Variants in ATRNL1 observed in about 807,000 individuals in gnomAD.
The protein encoded by ATRNL1 is attractin like 1.
Under a neutral mutation model 182.7 loss-of-function variants are expected in ATRNL1, and 95 were observed. The ratio of observed to expected loss-of-function variants is 0.52; its 90% CI spans 0.44 to 0.62. The LOEUF is 0.62. Ranked by LOEUF, ATRNL1 falls within the 20% of genes least tolerant of loss-of-function variation. The probability of loss-of-function intolerance (pLI) is 0.00; values close to 1 mark genes in which losing one functional copy is unlikely to be tolerated. For missense variants in ATRNL1, 1,471 were observed against 1,679.5 expected (o/e 0.88, Z 2.17); for synonymous variants, 576 against 568.3 (o/e 1.01, Z -0.19).
chr10:115,831,544 G>A (rs1555093716), intron 27 of ATRNL1, among the ~76,000 whole-genome samples: 1 of 152,054 alleles, frequency 6.6e-6, no homozygotes, highest in African/African-American at 2.4e-5. Context: ...AGGGTGGAGC[G>A]GAGCGTGGAA....
intron 26 of ATRNL1, among the ~76,000 whole-genome samples, chr10:115,572,165 A>G (rs1227200904): frequency 6.6e-6 from 1 of 152,170 alleles, no homozygotes; most frequent in Non-Finnish European, 1.5e-5. Context: ...AATTCATTTA[A>G]TTGTACATTA....
intron 5 of ATRNL1, among the ~76,000 whole-genome samples, chr10:115,150,142 A>T (rs1241290373): frequency 1.3e-5 from 2 of 152,074 alleles, no homozygotes; most frequent in Non-Finnish European, 1.5e-5. Flanking sequence ...ATAGTTATTT[A>T]TAATAATCTT....
intron 28 of ATRNL1, among the ~76,000 whole-genome samples, chr10:115,941,987 T>TAAG (rs1232792733): frequency 6.6e-6 from 1 of 152,214 alleles, no homozygotes; most frequent in Non-Finnish European, 1.5e-5. Flanking sequence ...AGGATGATAT[T>TAAG]TAATATCCTG....
intron 26 of ATRNL1, among the ~76,000 whole-genome samples, chr10:115,702,073 T>C (rs10885776): frequency 0.37 from 56,921 of 151,826 alleles, 11,560 homozygotes; most frequent in East Asian, 0.6. Flanking sequence ...TAATTCACCA[T>C]GATTGAGTAG....
chr10:115,772,597 CTGTGTGTGTG>C (rs57939999), intron 27 of ATRNL1, among the ~76,000 whole-genome samples: 8 of 140,394 alleles, frequency 5.7e-5, no homozygotes, highest in African/African-American at 1.6e-4. Context: ...TATACTCTGT[CTGTGTGTGTG>C]TGTGTGTGTG....
chr10:115,506,445 C>CA (rs1850115459), intron 24 of ATRNL1, among the ~76,000 whole-genome samples: 2 of 151,984 alleles, frequency 1.3e-5, no homozygotes, highest in South Asian at 2.1e-4. Flanking sequence ...TTAGCCAAGA[C>CA]AAAACCCCAA....
At chr10:115,280,236 G>T (rs1210465796) in intron 13 of ATRNL1, among the ~76,000 whole-genome samples, 1 of 152,172 alleles carries the variant, frequency 6.6e-6, no homozygotes, top group Admixed American at 6.5e-5. Flanking sequence ...GAACATCAGA[G>T]AAATTTGTTA....
chr10:115,354,882 T>A (rs941697078), intron 19 of ATRNL1, among the ~76,000 whole-genome samples: 1 of 152,132 alleles, frequency 6.6e-6, no homozygotes, highest in African/African-American at 2.4e-5. Flanking sequence ...TCTTTTTTAT[T>A]CTTTTAAATC....
At chr10:115,375,570 G>A (rs1857625943) in intron 19 of ATRNL1, among the ~76,000 whole-genome samples, 1 of 151,802 alleles carries the variant, frequency 6.6e-6, no homozygotes, top group Admixed American at 6.6e-5. Context: ...TTTACTTTGT[G>A]TTTTGTTGTA....
intron 26 of ATRNL1, among the ~76,000 whole-genome samples, chr10:115,575,385 C>T (rs1231842677): frequency 6.6e-6 from 1 of 152,116 alleles, no homozygotes; most frequent in Non-Finnish European, 1.5e-5. Flanking sequence ...GAACTCTGCC[C>T]TAACTAGGAT....
intron 21 of ATRNL1, among the ~76,000 whole-genome samples, chr10:115,449,273 A>C (rs1847166892): frequency 1.3e-5 from 2 of 152,144 alleles, no homozygotes; most frequent in African/African-American, 4.8e-5. Context: ...CATTGGAGAG[A>C]AGCAGCTTGA....
intron 27 of ATRNL1, among the ~76,000 whole-genome samples, chr10:115,810,920 T>C (rs1422015505): frequency 1.3e-5 from 2 of 151,972 alleles, no homozygotes; most frequent in African/African-American, 4.8e-5. Flanking sequence ...TCATATTTAT[T>C]GATATTGTCT....
chr10:115,240,764 A>C (rs1850385961), intron 9 of ATRNL1, among the ~76,000 whole-genome samples: 1 of 152,040 alleles, frequency 6.6e-6, no homozygotes, highest in African/African-American at 2.4e-5. Context: ...ATTCATTCAG[A>C]TCAGTTATAA....
chr10:115,713,449 G>GTGTGTGTGTT (rs1947126881), intron 26 of ATRNL1, among the ~76,000 whole-genome samples: 3 of 137,596 alleles, frequency 2.2e-5, no homozygotes, highest in Non-Finnish European at 4.7e-5. Context: ...GTGGCTGTGT[G>GTGTGTGTGTT]TGTGTGTGTG....
chr10:115,247,834 T>C (rs372019545), intron 10 of ATRNL1, among the ~76,000 whole-genome samples: 4 of 152,164 alleles, frequency 2.6e-5, no homozygotes, highest in African/African-American at 9.7e-5. Flanking sequence ...GAAATACTAT[T>C]CAGCCATAAA....
chr10:115,407,807 A>G (rs1554958626), intron 20 of ATRNL1, among the ~76,000 whole-genome samples: 2 of 152,226 alleles, frequency 1.3e-5, no homozygotes, highest in East Asian at 3.9e-4. Flanking sequence ...AGAAATTTCC[A>G]TACTGTTTTC....
At chr10:115,621,316 G>C (rs1857757648) in intron 26 of ATRNL1, among the ~76,000 whole-genome samples, 1 of 42,534 alleles carries the variant, frequency 2.4e-5, no homozygotes, top group Non-Finnish European at 5.9e-5. Flanking sequence ...GAGAGAGAGT[G>C]TGTGAGTGAG....
At chr10:115,516,948 C>A (rs1276736824) in intron 24 of ATRNL1, among the ~76,000 whole-genome samples, 1 of 151,856 alleles carries the variant, frequency 6.6e-6, no homozygotes, top group Non-Finnish European at 1.5e-5. Flanking sequence ...ATTGTGATAT[C>A]CCCCTACAAG....
In ATRNL1 at chr10:115,491,941, G is replaced by A. The variant is rs140231487; in HGVS notation, c.3654+22612G>A. 6.6e-5 allele frequency among the ~76,000 whole-genome samples: 10 copies of A among 152,256 alleles called. No individual in the cohort carries two copies. The East Asian group carries it at 1.6e-3, about 24-fold the overall frequency. ...GACTGTGGGAAACGCACAGTATTTGGCCTGGAGTGCGCTGTTCCTCCTGTC... is the reference window on the plus strand; with the variant it reads ...GACTGTGGGAAACGCACAGTATTTGACCTGGAGTGCGCTGTTCCTCCTGTC... On this transcript the variant is annotated intron_variant, in intron 24 of 28. Coordinates refer to ENST00000355044, the MANE Select transcript of ATRNL1 (RefSeq NM_207303.4).
Sources: gnomAD v4.1 joint callset for allele counts (sites outside exome capture counted in the v4.1 genomes callset) on GRCh38, gnomAD v4.1.1 for gene constraint, MANE v1.5 for transcripts, NCBI Gene and HGNC (gene_info 2026-07-23, HGNC 2026-07-21) for gene names.